The following EXOC6B variants were observed in gnomAD, a reference collection of about 807,000 sequenced individuals.
EXOC6B encodes the protein SEC15 homolog B.
Under a neutral mutation model 113.5 loss-of-function variants are expected in EXOC6B, and 54 were observed. That is an observed-to-expected ratio of 0.48 (90% CI 0.38 to 0.60). The LOEUF (loss-of-function observed/expected upper bound fraction) is 0.60, where lower values mean the gene tolerates loss of function less well. Ranked by LOEUF, EXOC6B falls within the 20% of genes least tolerant of loss-of-function variation. The pLI is 0.00. For synonymous variants in EXOC6B, 357 were observed against 339.0 expected, an observed-to-expected ratio of 1.05 and a Z score of -0.58; for missense variants, 797 against 977.5, an observed-to-expected ratio of 0.82 and a Z score of 2.46.
intron 14 of EXOC6B, among the ~76,000 whole-genome samples, chr2:72,495,998 AT>A (rs372953403): frequency 0.01 from 1,549 of 150,548 alleles, 45 homozygotes; most frequent in African/African-American, 0.036. Context: ...TCATTAAATA[AT>A]TTTTTTTTTA....
intron 2 of EXOC6B, among the ~76,000 whole-genome samples, chr2:72,736,644 G>A (rs994140274): frequency 1.3e-5 from 2 of 152,222 alleles, no homozygotes; most frequent in African/African-American, 4.8e-5. Context: ...GAAGTAAGAG[G>A]AAAAGAAGAT....
At chr2:72,640,149 A>G (rs1673124913) in intron 6 of EXOC6B, among the ~76,000 whole-genome samples, 1 of 152,218 alleles carries the variant, frequency 6.6e-6, no homozygotes, top group African/African-American at 2.4e-5. Flanking sequence ...CCAAGAGACA[A>G]AACAGCCAGT....
rs111607878 is a variant in EXOC6B, at chr2:72,585,585, CAA to C, written c.670-9919_670-9918del. ...GCACTCCAGCCTGGGCAACTGAGTG[CAA>C]AAAAAAAAAAAGAAATGACAAAGGT... On this transcript the variant is annotated intron_variant, in intron 6 of 21. Coordinates refer to ENST00000272427, the MANE Select transcript of EXOC6B (RefSeq NM_015189.3). 7.3e-3 allele frequency among the ~76,000 whole-genome samples: 792 copies of C among 109,166 alleles called. 11 individuals carry two copies. The highest frequency in any genetic ancestry group is 0.024 in the African/African-American group (690 of 29,122). 71.6% of individuals were successfully genotyped at this position (109,166 alleles called of 152,430 possible). A position where few individuals can be genotyped will look rare whatever the true frequency, so the allele number is the denominator to read the frequency against.
At chr2:72,301,859 G>A (rs1354869931) in intron 20 of EXOC6B, among the ~76,000 whole-genome samples, 3 of 151,926 alleles carry the variant, frequency 2.0e-5, no homozygotes, top group South Asian at 4.1e-4. Flanking sequence ...TCTGATTTTG[G>A]TTATTTCTTG....
chr2:72,196,176 A>C (rs563868479), intron 20 of EXOC6B, among the ~76,000 whole-genome samples: 36 of 152,374 alleles, frequency 2.4e-4, no homozygotes, highest in African/African-American at 8.2e-4. Flanking sequence ...CTGCAAATTC[A>C]TAATGAAAAT....
At chr2:72,687,670 G>A (rs1391210014) in intron 6 of EXOC6B, among the ~76,000 whole-genome samples, 1 of 152,018 alleles carries the variant, frequency 6.6e-6, no homozygotes, top group East Asian at 1.9e-4. Context: ...AGCTTAAAGG[G>A]GTTAAGCTGA....
rs114194858 is a variant in EXOC6B, at chr2:72,255,004, G to T, written c.2197-70817C>A. 2.8e-3 allele frequency among the ~76,000 whole-genome samples: 423 copies of T among 152,292 alleles called. 3 individuals carry two copies. Among genetic ancestry groups the T allele is most frequent in the African/African-American group, 9.1e-3 (377 of 41,556 alleles). ...GTTCTTGGCATATACAGATTGCAAA[G>T]GATGCCAAAATTAGGAAACTTACAC... On this transcript the variant is annotated intron_variant, in intron 20 of 21. Coordinates refer to ENST00000272427, the MANE Select transcript of EXOC6B (RefSeq NM_015189.3).
intron 6 of EXOC6B, among the ~76,000 whole-genome samples, chr2:72,647,144 G>T (rs1190338949): frequency 6.6e-6 from 1 of 152,076 alleles, no homozygotes; most frequent in Non-Finnish European, 1.5e-5. Context: ...ACCAATAACA[G>T]AGAGCCAAAT....
intron 5 of EXOC6B, 116 bp downstream of exon 5, chr2:72,730,891 G>C: frequency 3.6e-6 from 1 of 275,698 alleles, no homozygotes; most frequent in Non-Finnish European, 5.7e-6. Flanking sequence ...TATACAAAAG[G>C]TTAAGATGTT....
chr2:72,310,493 A>C (rs1437750835), intron 20 of EXOC6B, among the ~76,000 whole-genome samples: 1 of 152,100 alleles, frequency 6.6e-6, no homozygotes, highest in African/African-American at 2.4e-5. Context: ...TTGTCTTCTT[A>C]TTATTAAATT....
At chr2:72,571,039 A>G (rs530027997) in intron 7 of EXOC6B, among the ~76,000 whole-genome samples, 199 of 152,302 alleles carry the variant, frequency 1.3e-3, no homozygotes, top group African/African-American at 4.5e-3. Flanking sequence ...CAAAACTAAT[A>G]TGTTATCTTG....
chr2:72,757,401 A>G (rs1053518865), intron 1 of EXOC6B, among the ~76,000 whole-genome samples: 2 of 152,222 alleles, frequency 1.3e-5, no homozygotes, highest in Non-Finnish European at 2.9e-5. Context: ...CAGAGCAAAC[A>G]GAGATTATCA....
chr2:72,331,348 A>C lies in EXOC6B; in HGVS notation c.2196+3599T>G, dbSNP rs536133469. ...TCAAATTCTAGTGTTGATCAGCATT[A>C]TCTACTTAATGTTTAACCATGGAAG... On this transcript the variant is annotated intron_variant, in intron 20 of 21. Coordinates refer to ENST00000272427, the MANE Select transcript of EXOC6B (RefSeq NM_015189.3). 2.6e-5 allele frequency among the ~76,000 whole-genome samples: 4 copies of C among 152,248 alleles called. No homozygotes were observed. In the East Asian group the frequency reaches 7.7e-4, roughly 29 times the overall value.
At chr2:72,774,314 A>C (rs1476280035) in intron 1 of EXOC6B, among the ~76,000 whole-genome samples, 5 of 152,236 alleles carry the variant, frequency 3.3e-5, no homozygotes, top group African/African-American at 1.2e-4. Flanking sequence ...TGTAGAACAC[A>C]ATAATAAAGA....
intron 7 of EXOC6B, among the ~76,000 whole-genome samples, chr2:72,569,720 C>A (rs1465261781): frequency 1.3e-5 from 2 of 152,082 alleles, no homozygotes; most frequent in African/African-American, 4.8e-5. Context: ...TCTAAAGTAG[C>A]CTTTAACTTA....
intron 1 of EXOC6B, among the ~76,000 whole-genome samples, chr2:72,773,943 A>G (rs937876455): frequency 2.0e-5 from 3 of 152,226 alleles, no homozygotes; most frequent in Non-Finnish European, 4.4e-5. Context: ...GACAAATGAT[A>G]CTTTCTTAAA....
intron 1 of EXOC6B, among the ~76,000 whole-genome samples, chr2:72,813,013 T>C (rs1418419507): frequency 1.3e-5 from 2 of 152,170 alleles, no homozygotes; most frequent in Non-Finnish European, 2.9e-5. Context: ...TAGACTAGTA[T>C]CTAGAATAAA....
chr2:72,274,742 A>G (rs935710112), intron 20 of EXOC6B, among the ~76,000 whole-genome samples: 4 of 152,134 alleles, frequency 2.6e-5, no homozygotes, highest in Non-Finnish European at 5.9e-5. Flanking sequence ...AATAAAAGCC[A>G]TTTTGGATTA....
chr2:72,540,460 T>A (rs1023390342), intron 8 of EXOC6B, among the ~76,000 whole-genome samples: 1 of 152,184 alleles, frequency 6.6e-6, no homozygotes, highest in Non-Finnish European at 1.5e-5. Flanking sequence ...ATATATATAT[T>A]TTCTTAACCA....
Sources: allele counts gnomAD v4.1 joint callset (sites outside exome capture counted in the v4.1 genomes callset), GRCh38; gene constraint gnomAD v4.1.1; transcripts MANE v1.5; gene names NCBI Gene and HGNC (gene_info 2026-07-23, HGNC 2026-07-21).